The following DISC1 variants were observed in gnomAD, a reference collection of about 807,000 sequenced individuals.
DISC1 encodes the protein DISC1 scaffold protein.
Under a neutral mutation model 84.5 loss-of-function variants are expected in DISC1, and 57 were observed. The observed-to-expected ratio is 0.67, with a 90% CI of 0.55 to 0.84. The LOEUF is 0.84. Ranked by LOEUF, DISC1 falls within the 40% of genes least tolerant of loss-of-function variation. The probability of loss-of-function intolerance (pLI) is 0.00; values close to 1 mark genes in which losing one functional copy is unlikely to be tolerated. For missense variants in DISC1, 1,000 were observed against 1,057.8 expected, an observed-to-expected ratio of 0.95 and a Z score of 0.76; for synonymous variants, 411 against 415.2, an observed-to-expected ratio of 0.99 and a Z score of 0.12.
chr1:231,652,326 T>C (rs550080274), intron 1 of DISC1, among the ~76,000 whole-genome samples: 2 of 152,250 alleles, frequency 1.3e-5, no homozygotes, highest in Non-Finnish European at 2.9e-5. Context: ...TATATTGTTA[T>C]TATTGTGTTA....
At chr1:231,819,326 T>C (rs1346369542) in intron 9 of DISC1, 1 of 230,236 alleles carries the variant, frequency 4.3e-6, no homozygotes, top group Non-Finnish European at 7.3e-6. Context: ...TTGTAAATAC[T>C]CCGTAAATTG....
At chr1:231,881,209 C>T (rs1374500480) in intron 9 of DISC1, among the ~76,000 whole-genome samples, 1 of 152,174 alleles carries the variant, frequency 6.6e-6, no homozygotes, top group African/African-American at 2.4e-5. Flanking sequence ...CTTTCCCTGG[C>T]AACAGGGCCT....
intron 10 of DISC1, among the ~76,000 whole-genome samples, chr1:232,006,981 A>C (rs567334126): frequency 2.0e-5 from 3 of 152,322 alleles, no homozygotes; most frequent in Non-Finnish European, 4.4e-5. Flanking sequence ...CTGTTGCTTC[A>C]GAGGGTCCAA....
chr1:232,028,311 C>T (rs938111364), intron 12 of DISC1, among the ~76,000 whole-genome samples: 1 of 152,132 alleles, frequency 6.6e-6, no homozygotes, highest in Non-Finnish European at 1.5e-5. Flanking sequence ...TGGGTTGTAC[C>T]TCTGTCTTCA....
rs139295216 is a variant in DISC1, at chr1:232,040,120, T to C, written c.*3289T>C. 0.025 allele frequency: 3,779 copies of C among 152,206 alleles called. 158 individuals are homozygous for C. The highest frequency in any genetic ancestry group is 0.085 in the African/African-American group (3,509 of 41,476). The allele number at this position is 152,206 out of a possible 1,614,324, so 9.4% of individuals were successfully genotyped here. On this transcript the variant is annotated 3_prime_UTR_variant, in exon 13 of 13. Transcript: ENST00000439617. ...TATTCTACTGCCTCAGCCTCCCAAG[T>C]AGCTGGGGTTACAGGCATTTGCCAC...
intron 9 of DISC1, among the ~76,000 whole-genome samples, chr1:231,902,942 AT>A (rs1295586805): frequency 4.6e-5 from 7 of 152,172 alleles, no homozygotes; most frequent in Non-Finnish European, 8.8e-5. Flanking sequence ...TATACATATC[AT>A]AGCAATCTCT....
intron 4 of DISC1, among the ~76,000 whole-genome samples, chr1:231,766,127 T>C (rs1475262622): frequency 2.0e-5 from 3 of 151,688 alleles, no homozygotes; most frequent in Non-Finnish European, 4.4e-5. Context: ...CTGTCTCTGC[T>C]AAAAATACAA....
chr1:231,846,487 C>G (rs372839624), intron 9 of DISC1, among the ~76,000 whole-genome samples: 14 of 152,228 alleles, frequency 9.2e-5, no homozygotes, highest in African/African-American at 3.4e-4. Flanking sequence ...TCTGTCCTAG[C>G]TTTTCAGCGA....
At chr1:231,887,870 G>C (rs899751781) in intron 9 of DISC1, among the ~76,000 whole-genome samples, 1 of 152,110 alleles carries the variant, frequency 6.6e-6, no homozygotes, top group South Asian at 2.1e-4. Context: ...TTTTATTCTT[G>C]GAGTATTTAT....
intron 9 of DISC1, among the ~76,000 whole-genome samples, chr1:231,951,495 A>G (rs1658359217): frequency 6.6e-6 from 1 of 152,232 alleles, no homozygotes; most frequent in African/African-American, 2.4e-5. Context: ...CTCCTCCTGC[A>G]TCAGCTAGCA....
chr1:231,924,388 A>G (rs573772273), intron 9 of DISC1, among the ~76,000 whole-genome samples: 4 of 152,372 alleles, frequency 2.6e-5, no homozygotes, highest in Non-Finnish European at 5.9e-5. Context: ...AAGAAGGCAC[A>G]TATGAGTGCC....
At position 232,026,510 on chromosome 1, in the gene DISC1, C is replaced by T. The variant is rs1284814078; in HGVS notation, c.2383C>T (p.Gln795Ter). ...IGKKLLYLED[Q>*]LHTAIHSHDE... ...CAAGAAGCTATTGTACTTGGAAGAT[C>T]AACTTCACACAGCAATCCACAGTCA... Residue 795 changes from glutamine (Q) to a stop codon, truncating the protein, a stop_gained, in exon 12 of 13, where the codon CAA becomes TAA. Coordinates refer to ENST00000439617, the MANE Select transcript of DISC1 (RefSeq NM_018662.3). LOFTEE classifies it high-confidence loss of function. The T allele has an allele frequency of 1.2e-6, 2 of 1,607,502 alleles. No homozygotes were observed. Among genetic ancestry groups the T allele is most frequent in the Admixed American group, 3.4e-5 (2 of 59,280 alleles).
intron 3 of DISC1, among the ~76,000 whole-genome samples, chr1:231,728,516 A>C (rs769458855): frequency 2.6e-5 from 4 of 152,128 alleles, no homozygotes; most frequent in Non-Finnish European, 4.4e-5. Context: ...GCTGCCAACT[A>C]TTATTTTGTA....
intron 2 of DISC1, among the ~76,000 whole-genome samples, chr1:231,697,311 A>G (rs2065840894): frequency 6.6e-6 from 1 of 152,314 alleles, no homozygotes; most frequent in South Asian, 2.1e-4. Context: ...CAGGAATTTA[A>G]GTTTCAGCTT....
chr1:231,916,654 CAA>C (rs3083755), intron 9 of DISC1, among the ~76,000 whole-genome samples: 33,624 of 101,572 alleles, frequency 0.33, 5,218 homozygotes, highest in East Asian at 0.66. Flanking sequence ...GACTCCGTCT[CAA>C]AAAAAAAAAA....
chr1:231,707,287 GA>G (rs1485232282), intron 3 of DISC1, among the ~76,000 whole-genome samples: 39 of 152,118 alleles, frequency 2.6e-4, no homozygotes, highest in Admixed American at 2.4e-3. Flanking sequence ...TGTCTGCACA[GA>G]AAAAAAGCAA....
At chr1:231,732,822 G>A (rs904329120) in intron 3 of DISC1, among the ~76,000 whole-genome samples, 1 of 152,240 alleles carries the variant, frequency 6.6e-6, no homozygotes, top group Non-Finnish European at 1.5e-5. Context: ...AGTGGTGATA[G>A]TGGTTGGAGT....
At chr1:231,691,201 C>T (rs543512161) in intron 1 of DISC1, among the ~76,000 whole-genome samples, 8 of 151,974 alleles carry the variant, frequency 5.3e-5, no homozygotes, top group Non-Finnish European at 7.4e-5. Flanking sequence ...GAGGCCTAGG[C>T]GGGGGGATCA....
intron 10 of DISC1, among the ~76,000 whole-genome samples, chr1:231,982,111 T>C (rs1051512862): frequency 2.0e-5 from 3 of 152,202 alleles, no homozygotes; most frequent in African/African-American, 2.4e-5. Flanking sequence ...ATGATGATAC[T>C]ATTAGAGAAG....
Sources: gnomAD v4.1 joint callset for allele counts (sites outside exome capture counted in the v4.1 genomes callset) on GRCh38, gnomAD v4.1.1 for gene constraint, MANE v1.5 for transcripts, NCBI Gene and HGNC (gene_info 2026-07-23, HGNC 2026-07-21) for gene names.